Variants in SLC34A2 observed in about 807,000 individuals in gnomAD.
SLC34A2 encodes the protein solute carrier family 34 member 2, also known as sodium-dependent phosphate transport protein 2B.
In SLC34A2, 41 loss-of-function variants were observed where a neutral mutation model predicts 50.8. The observed-to-expected ratio is 0.81, with a 90% CI of 0.63 to 1.05. SLC34A2 has a LOEUF of 1.05. SLC34A2 is among the 50% of genes least tolerant of loss of function. The pLI is 0.00. For missense variants in SLC34A2, 879 were observed against 876.7 expected (o/e 1.00, Z -0.03); for synonymous variants, 401 against 364.2 (o/e 1.10, Z -1.15).
chr4:25,663,902 C>T (rs1023316869), intron 3 of SLC34A2, among the ~76,000 whole-genome samples: 5 of 152,194 alleles, frequency 3.3e-5, no homozygotes, highest in Non-Finnish European at 5.9e-5. Context: ...CTCAGCTGAG[C>T]ATGGAGCCTG....
chr4:25,656,816 C>T (rs1328971190), intron 1 of SLC34A2, among the ~76,000 whole-genome samples: 3 of 152,088 alleles, frequency 2.0e-5, no homozygotes, highest in East Asian at 3.9e-4. Flanking sequence ...CACTCGAGTC[C>T]CCTCTTCCTG....
Position 25,669,740 on chromosome 4 carries a change from C to T in SLC34A2, c.729C>T (p.Ile243=). ...PVEVATHYLE[I]ITQLIVESFH... ...AGGTGGCCACCCATTACCTCGAGATCATAACCCAGCTTATAGTGGAGAGCT... is the reference window on the plus strand; with the variant it reads ...AGGTGGCCACCCATTACCTCGAGATTATAACCCAGCTTATAGTGGAGAGCT... Residue 243 remains isoleucine (I), a synonymous_variant, in exon 7 of 13, where the codon ATC becomes ATT. Coordinates refer to ENST00000382051, the MANE Select transcript of SLC34A2 (RefSeq NM_006424.3). The T allele has an allele frequency of 6.2e-7, 1 of 1,614,156 alleles. No homozygotes were observed. The highest frequency in any genetic ancestry group is 8.5e-7 in the Non-Finnish European group (1 of 1,180,024).
chr4:25,675,507 A>T (rs1171123174), intron 12 of SLC34A2, among the ~76,000 whole-genome samples: 1 of 152,270 alleles, frequency 6.6e-6, no homozygotes, highest in Admixed American at 6.5e-5. Flanking sequence ...AAATTCAGGC[A>T]TCTAATATAA....
At chr4:25,664,408 G>A (rs1402357585) in intron 4 of SLC34A2, 78 bp downstream of exon 4, 1 of 1,504,084 alleles carries the variant, frequency 6.6e-7, no homozygotes, top group Non-Finnish European at 9.2e-7. Context: ...AACTCAGCAA[G>A]CCCTCTCCAG....
At chr4:25,670,447 T>C (rs1714753786) in intron 7 of SLC34A2, among the ~76,000 whole-genome samples, 1 of 152,192 alleles carries the variant, frequency 6.6e-6, no homozygotes, top group South Asian at 2.1e-4. Context: ...TAAAGTATGA[T>C]CTACCCTTTC....
At chr4:25,674,099 T>C (rs11941971) in intron 10 of SLC34A2, among the ~76,000 whole-genome samples, 197 bp from the exon 11 acceptor site, 2,544 of 152,308 alleles carry the variant, frequency 0.017, 57 homozygotes, top group African/African-American at 0.056. Context: ...CACTTACCTG[T>C]ATCCTTGGTT....
rs1715181009 is a variant in SLC34A2 at position 25,677,088 on chromosome 4, C to T, written c.*339C>T. ...TATTTTCAGACTCAAAAACCATCTT[C>T]AGAAAGAAAAGGCCCAGGGAAGGAA... On this transcript the variant is annotated 3_prime_UTR_variant, in exon 13 of 13. Transcript: ENST00000382051. The T allele has an allele frequency of 6.3e-6, 2 of 315,784 alleles. No homozygotes were observed. The highest frequency in any genetic ancestry group is 8.5e-5 in the South Asian group (2 of 23,398). The allele number at this position is 315,784 out of a possible 1,614,324, so 19.6% of individuals were successfully genotyped here.
At chr4:25,657,587 A>G (rs1041467987) in intron 1 of SLC34A2, among the ~76,000 whole-genome samples, 2 of 152,250 alleles carry the variant, frequency 1.3e-5, no homozygotes, top group African/African-American at 4.8e-5. Context: ...TATCATAAAT[A>G]CAAATTGATA....
chr4:25,669,076 C>G (rs1221569803), intron 6 of SLC34A2, among the ~76,000 whole-genome samples: 2 of 152,020 alleles, frequency 1.3e-5, no homozygotes, highest in Non-Finnish European at 2.9e-5. Flanking sequence ...TCATCACTTT[C>G]AAGAACTTAA....
rs1410822906 is a variant in SLC34A2, at chr4:25,676,138, G to A, written c.1462G>A (p.Ala488Thr). The A allele has an allele frequency of 1.9e-6, 3 of 1,613,744 alleles. No individual in the cohort carries two copies. Among genetic ancestry groups the A allele is most frequent in the East Asian group, 2.2e-5 (1 of 44,894 alleles). The change falls in exon 13 of 13, where the codon GCC (alanine) becomes ACC (threonine). Residue 488 changes from alanine (A) to threonine (T), a missense_variant. Transcript: ENST00000382051. ...TGTCCAACCTCTTGTGTTGCAGATC[G>A]CCCTGTGCCACTTTTTCTTCAACAT... The part of the protein sequence containing the change: ...GNALRSSLQI[A>T]LCHFFFNISG...
Position 25,667,963 on chromosome 4 carries a change from C to T in SLC34A2, c.607C>T (p.Gln203Ter). 1 of 1,613,102 alleles carries T rather than the reference C, an allele frequency of 6.2e-7. No homozygotes were observed. The highest frequency in any genetic ancestry group is 8.5e-7 in the Non-Finnish European group (1 of 1,179,104). The change falls in exon 6 of 13, where the codon CAG becomes TAG. Residue 203 changes from glutamine (Q) to a stop codon, truncating the protein, a stop_gained. Transcript: ENST00000382051. LOFTEE classifies it high-confidence loss of function. ...CACCAACACTATTGTTGCGCTCATG[C>T]AGGTGGGAGATCGGAGTGAGTTCAG... ...SITNTIVALM[Q>*]VGDRSEFRRA...
chr4:25,676,061 C>CGG, intron 12 of SLC34A2, 74 bp from the exon 13 acceptor site: 1 of 1,585,316 alleles, frequency 6.3e-7, no homozygotes, highest in Non-Finnish European at 8.6e-7. Context: ...GCTAGCTTAC[C>CGG]TCCCCCTCCT....
chr4:25,662,473 CT>C, intron 1 of SLC34A2, 24 bp from the exon 2 acceptor site: 2 of 1,600,514 alleles, frequency 1.2e-6, no homozygotes, highest in Non-Finnish European at 1.7e-6. Context: ...ATGACTGCTG[CT>C]TTAAGCTGTT....
Position 25,676,870 on chromosome 4 carries a change from T to C in SLC34A2, c.*121T>C. On this transcript the variant is annotated 3_prime_UTR_variant, in exon 13 of 13. Transcript: ENST00000382051. ...ATTTGCTCCCCATTAGCGAATGAAA[T>C]TGATGCAGTCCTACCTAACTCGATT... The C allele has an allele frequency of 3.6e-6, 5 of 1,398,296 alleles. No individual in the cohort carries two copies. Among genetic ancestry groups the C allele is most frequent in the East Asian group, 2.4e-5 (1 of 40,898 alleles). The allele number at this position is 1,398,296 out of a possible 1,614,324, so 86.6% of individuals were successfully genotyped here. A position where few individuals can be genotyped will look rare whatever the true frequency, so the allele number is the denominator to read the frequency against.
chr4:25,657,689 A>G (rs542853285), intron 1 of SLC34A2, among the ~76,000 whole-genome samples: 1 of 152,218 alleles, frequency 6.6e-6, no homozygotes, highest in East Asian at 1.9e-4. Context: ...TTATCTATCA[A>G]TGTGAGGCCC....
At chr4:25,656,962 T>C (rs1196145666) in intron 1 of SLC34A2, among the ~76,000 whole-genome samples, 1 of 152,184 alleles carries the variant, frequency 6.6e-6, no homozygotes, top group African/African-American at 2.4e-5. Flanking sequence ...AAACTGTGCT[T>C]GTAGGAGTGG....
rs575706254 is a variant in SLC34A2 at position 25,677,158 on chromosome 4, T to A, written c.*409T>A. 1 of 200,144 alleles carries A rather than the reference T, an allele frequency of 5.0e-6. No homozygotes were observed. The highest frequency in any genetic ancestry group is 1.1e-4 in the East Asian group (1 of 8,826). The allele number at this position is 200,144 out of a possible 1,614,324, so 12.4% of individuals were successfully genotyped here. ...GATGAGGAAGTGTACTCTCTATGAC[T>A]ATCAAGCTCAGGCCTCTCCCTTTTT... On this transcript the variant is annotated 3_prime_UTR_variant, in exon 13 of 13. Coordinates refer to ENST00000382051, the MANE Select transcript of SLC34A2 (RefSeq NM_006424.3).
intron 7 of SLC34A2, among the ~76,000 whole-genome samples, chr4:25,670,294 G>T (rs535584455): frequency 6.6e-6 from 1 of 152,272 alleles, no homozygotes; most frequent in African/African-American, 2.4e-5. Flanking sequence ...CAGAACTTTT[G>T]GGCCACCTGA....
chr4:25,674,636 A>G lies in SLC34A2; in HGVS notation c.1458+7A>G. On this transcript the variant is annotated splice_region_variant and intron_variant, in intron 12 of 12. Transcript: ENST00000382051. ...ATTGAGGAGTTCACTCCAGGTCAGG[A>G]CTTGGGGCACGGGGACAGGGGCCCT... 6.2e-7 allele frequency: 1 copy of G among 1,614,118 alleles called. No homozygotes were observed. The highest frequency in any genetic ancestry group is 1.7e-5 in the Admixed American group (1 of 60,026).
Sources: allele counts gnomAD v4.1 joint callset (sites outside exome capture counted in the v4.1 genomes callset), GRCh38; gene constraint gnomAD v4.1.1; transcripts MANE v1.5; gene names NCBI Gene and HGNC (gene_info 2026-07-23, HGNC 2026-07-21).